The following TET1 variants were observed in gnomAD, a reference collection of about 807,000 sequenced individuals.
TET1 encodes the protein tet methylcytosine dioxygenase 1.
TET1 carries 13 observed loss-of-function variants against 148.7 expected under a neutral mutation model. The observed-to-expected ratio is 0.09, with a 90% CI of 0.06 to 0.14. TET1 has a LOEUF of 0.14. Among genes scored for constraint, TET1 ranks in the 10% least tolerant of loss-of-function variants. The probability of loss-of-function intolerance (pLI) is 1.00; values close to 1 mark genes in which losing one functional copy is unlikely to be tolerated. For synonymous variants in TET1, 907 were observed against 937.2 expected, an observed-to-expected ratio of 0.97 and a Z score of 0.59; for missense variants, 2,182 against 2,553.8, an observed-to-expected ratio of 0.85 and a Z score of 3.14.
chr10:68,643,407 C>T (rs1485554818), intron 3 of TET1, among the ~76,000 whole-genome samples: 2 of 151,988 alleles, frequency 1.3e-5, no homozygotes, highest in Non-Finnish European at 2.9e-5. Context: ...ACTTACTATA[C>T]AGTGAGAATG....
chr10:68,643,057 G>T (rs946291968), intron 3 of TET1, among the ~76,000 whole-genome samples: 2 of 151,728 alleles, frequency 1.3e-5, no homozygotes, highest in East Asian at 3.9e-4. Flanking sequence ...CAGGAGTTTT[G>T]AGACCAGCCT....
At chr10:68,679,756 C>A (rs181896683) in intron 8 of TET1, among the ~76,000 whole-genome samples, 1 of 152,248 alleles carries the variant, frequency 6.6e-6, no homozygotes, top group Non-Finnish European at 1.5e-5. Flanking sequence ...TCACTGCAAT[C>A]TTCACCTCCC....
intron 2 of TET1, among the ~76,000 whole-genome samples, chr10:68,588,355 A>G (rs1306207164): frequency 6.6e-6 from 1 of 152,192 alleles, no homozygotes; most frequent in Admixed American, 6.5e-5. Flanking sequence ...CAATCTTACA[A>G]CAATCGTATG....
intron 9 of TET1, 147 bp downstream of exon 9, chr10:68,681,635 C>A: frequency 1.9e-6 from 1 of 539,822 alleles, no homozygotes; most frequent in Non-Finnish European, 3.2e-6. Context: ...TCCAAAAATG[C>A]TGGGATTACA....
intron 3 of TET1, among the ~76,000 whole-genome samples, chr10:68,610,920 A>G (rs1366986555): frequency 6.6e-6 from 1 of 152,198 alleles, no homozygotes; most frequent in African/African-American, 2.4e-5. Context: ...CACTACAGGC[A>G]TGAGCTACCT....
At chr10:68,636,867 T>G (rs2133049377) in intron 3 of TET1, among the ~76,000 whole-genome samples, 1 of 152,278 alleles carries the variant, frequency 6.6e-6, no homozygotes, top group South Asian at 2.1e-4. Context: ...ACTTCGAATC[T>G]CTCAGCTGAT....
In TET1 at chr10:68,636,041, A is replaced by T. The variant is rs1382761855; in HGVS notation, c.1969-8657A>T. Among the ~76,000 whole-genome samples the T allele has an allele frequency of 4.6e-5, 7 of 152,318 alleles. No homozygotes were observed. The South Asian group carries it at 8.3e-4, about 18-fold the overall frequency. On this transcript the variant is annotated intron_variant, in intron 3 of 11. Coordinates refer to ENST00000373644, the MANE Select transcript of TET1 (RefSeq NM_030625.3). Reference sequence around the variant, plus strand: ...TAAGAAATGATTGAATCTGACTGATAATTCAATTATAATTTGGTAGAAGTT... The same window carrying T: ...TAAGAAATGATTGAATCTGACTGATTATTCAATTATAATTTGGTAGAAGTT...
rs2055589047 is a variant in TET1, at chr10:68,691,258, T to G, written c.5855T>G (p.Leu1952Arg). Residue 1952 changes from leucine (L) to arginine (R), a missense_variant, in exon 12 of 12, where the codon CTT becomes CGT. By Grantham distance (102) the Leu-to-Arg change is moderately radical. Transcript: ENST00000373644. The surrounding 1 kb of genome is among the most constrained non-coding windows in gnomAD (Gnocchi z 4.4). The part of the protein sequence containing the change: ...QPSFLTSPQD[L>R]ASSPMEEDEQ... ...TCCTTCCTCACCTCTCCTCAAGACC[T>G]TGCCTCTTCTCCAATGGAAGAAGAT... is the stretch of plus-strand genomic sequence containing the variant. 1 of 1,614,012 alleles carries G rather than the reference T, an allele frequency of 6.2e-7. No homozygotes were observed. The highest frequency in any genetic ancestry group is 1.3e-5 in the African/African-American group (1 of 74,906).
intron 2 of TET1, among the ~76,000 whole-genome samples, chr10:68,576,205 G>T (rs572764236): frequency 6.6e-6 from 1 of 151,996 alleles, no homozygotes; most frequent in East Asian, 1.9e-4. Flanking sequence ...ACAAAAATTA[G>T]CCAGGAGTGG....
At chr10:68,638,765 TTGTGTGTG>T (rs59106736) in intron 3 of TET1, among the ~76,000 whole-genome samples, 10,731 of 140,814 alleles carry the variant, frequency 0.076, 598 homozygotes, top group South Asian at 0.18. Flanking sequence ...TGTATGGAGT[TTGTGTGTG>T]TGTGTGTGTG....
intron 2 of TET1, among the ~76,000 whole-genome samples, chr10:68,583,512 C>G (rs2053825060): frequency 6.6e-6 from 1 of 152,136 alleles, no homozygotes; most frequent in African/African-American, 2.4e-5. Flanking sequence ...GCTATGAGTG[C>G]AACAAAAGAG....
intron 6 of TET1, 89 bp from the exon 7 acceptor site, chr10:68,666,956 A>G (rs914002891): frequency 9.8e-6 from 11 of 1,122,670 alleles, no homozygotes; most frequent in Middle Eastern, 3.0e-4. Context: ...AAACTAAAAT[A>G]TAATCATGGA....
chr10:68,650,414 G>T (rs1294435994), intron 4 of TET1, among the ~76,000 whole-genome samples: 1 of 151,940 alleles, frequency 6.6e-6, no homozygotes, highest in Admixed American at 6.6e-5. Flanking sequence ...AGGGGGAGGC[G>T]GGTGGGTCAC....
intron 2 of TET1, among the ~76,000 whole-genome samples, chr10:68,585,584 A>G (rs1450234726): frequency 5.9e-5 from 9 of 152,074 alleles, no homozygotes; most frequent in Non-Finnish European, 1.2e-4. Context: ...CCTCAGAATT[A>G]TATGCAGCAT....
intron 6 of TET1, among the ~76,000 whole-genome samples, chr10:68,663,088 A>G (rs1166113374): frequency 6.6e-6 from 1 of 152,220 alleles, no homozygotes; most frequent in East Asian, 1.9e-4. Flanking sequence ...AAAAAGCCCA[A>G]GACTTCACCA....
chr10:68,671,374 C>T (rs955179234), intron 7 of TET1, among the ~76,000 whole-genome samples: 1 of 152,186 alleles, frequency 6.6e-6, no homozygotes, highest in African/African-American at 2.4e-5. Context: ...ACAAAAGACA[C>T]GATTATGTTC....
intron 3 of TET1, among the ~76,000 whole-genome samples, chr10:68,632,165 C>CA (rs1432077734): frequency 6.6e-6 from 1 of 151,640 alleles, no homozygotes; most frequent in Non-Finnish European, 1.5e-5. Context: ...ACTAAAAATA[C>CA]AAAAAAATTA....
At chr10:68,612,441 C>T (rs1220447161) in intron 3 of TET1, among the ~76,000 whole-genome samples, 1 of 152,020 alleles carries the variant, frequency 6.6e-6, no homozygotes, top group African/African-American at 2.4e-5. Flanking sequence ...ATTCTATAAT[C>T]CCAGCAGTGT....
intron 3 of TET1, among the ~76,000 whole-genome samples, chr10:68,607,700 C>T (rs2054145428): frequency 6.6e-6 from 1 of 150,870 alleles, no homozygotes; most frequent in South Asian, 2.1e-4. Context: ...CAGGCCTGCA[C>T]CACTGCACCT....
Sources: gnomAD v4.1 joint callset for allele counts (sites outside exome capture counted in the v4.1 genomes callset) on GRCh38, gnomAD v4.1.1 for gene constraint, Gnocchi (gnomAD v3.1) non-coding constraint, MANE v1.5 for transcripts, NCBI Gene and HGNC (gene_info 2026-07-23, HGNC 2026-07-21) for gene names.